The following ISL2 variants were observed in gnomAD, a reference collection of about 807,000 sequenced individuals.
ISL2 encodes ISL LIM homeobox 2.
In ISL2, 17 loss-of-function variants were observed where a neutral mutation model predicts 34.6. The ratio of observed to expected loss-of-function variants is 0.49; its 90% confidence interval spans 0.34 to 0.74. The LOEUF (loss-of-function observed/expected upper bound fraction) is 0.74. ISL2 is among the 30% of genes least tolerant of loss of function. ISL2 has a pLI of 0.01. For synonymous variants in ISL2, 232 were observed against 225.5 expected, an observed-to-expected ratio of 1.03 and a Z score of -0.26; for missense variants, 469 against 515.2, an observed-to-expected ratio of 0.91 and a Z score of 0.87.
Position 76,336,822 on chromosome 15 carries a change from G to C in ISL2, c.-62G>C. The C allele has an allele frequency of 2.7e-6, 4 of 1,466,510 alleles. No individual in the cohort carries two copies. In the South Asian group the frequency reaches 3.4e-5, roughly 12 times the overall value. 90.8% of individuals were successfully genotyped at this position (1,466,510 alleles called of 1,614,324 possible). On this transcript the variant is annotated 5_prime_UTR_variant, in exon 1 of 6. Transcript: ENST00000290759. ...AGTTAGTTAGCAAAGAGCCGAGGCC[G>C]GGCGCGCGACCCTCGTCCTTCTGCC...
In ISL2 at chr15:76,338,337, A is replaced by C. The variant is rs1184293980; in HGVS notation, c.334A>C (p.Ile112Leu). ...VMRARDSVYHIECFRCSVCSR... is the reference protein window; with the variant it reads ...VMRARDSVYHLECFRCSVCSR... ...GAGGGCGCGGGACAGCGTGTACCACATCGAGTGCTTCCGCTGCTCCGTGTG... is the reference window on the plus strand; with the variant it reads ...GAGGGCGCGGGACAGCGTGTACCACCTCGAGTGCTTCCGCTGCTCCGTGTG... Residue 112 changes from isoleucine (I) to leucine (L), a missense_variant, in exon 3 of 6, where the codon ATC becomes CTC. Physicochemically the swap from Ile to Leu is conservative, Grantham distance 5. Transcript: ENST00000290759. 8 of 1,575,878 alleles carry C rather than the reference A, an allele frequency of 5.1e-6. No individual in the cohort carries two copies. The highest frequency in any genetic ancestry group is 6.9e-6 in the Non-Finnish European group (8 of 1,167,332).
At chr15:76,340,790 G>A (rs1307193324) in intron 4 of ISL2, among the ~76,000 whole-genome samples, 2 of 152,260 alleles carry the variant, frequency 1.3e-5, no homozygotes, top group African/African-American at 4.8e-5. Flanking sequence ...TGCGGGTTCC[G>A]GGCGCTGCGC....
chr15:76,341,088 G>A (rs2040189282), intron 4 of ISL2, 46 bp from the exon 5 acceptor site: 6 of 1,502,958 alleles, frequency 4.0e-6, no homozygotes, highest in African/African-American at 2.8e-5. Flanking sequence ...TGGCAGAAAA[G>A]GCCAGACCTA....
Position 76,338,264 on chromosome 15 carries a change from C to G in ISL2, c.261C>G (p.Ile87Met). The G allele has an allele frequency of 1.3e-6, 2 of 1,570,316 alleles. No homozygotes were observed. Among genetic ancestry groups the G allele is most frequent in the South Asian group, 2.3e-5 (2 of 86,982 alleles). ...CTTGGGCCCGCAGGCTGTTCGGCATCAAGTGCGCCAAGTGCCAGGTGGGCT... is the reference window on the plus strand; with the variant it reads ...CTTGGGCCCGCAGGCTGTTCGGCATGAAGTGCGCCAAGTGCCAGGTGGGCT... The part of the protein sequence containing the change: ...CKRDYVRLFG[I>M]KCAKCQVGFS... Residue 87 changes from isoleucine (I) to methionine (M), a missense_variant, in exon 3 of 6, where the codon ATC becomes ATG. By Grantham distance (10) the Ile-to-Met change is conservative. Coordinates refer to ENST00000290759, the MANE Select transcript of ISL2 (RefSeq NM_145805.3).
intron 3 of ISL2, 151 bp downstream of exon 3, chr15:76,338,665 GC>G (rs2040171385): frequency 1.3e-5 from 16 of 1,227,830 alleles, no homozygotes; most frequent in Non-Finnish European, 1.5e-5. Flanking sequence ...GGAACTGTGT[GC>G]TGGGAACAAG....
intron 1 of ISL2, 117 bp from the exon 2 acceptor site, chr15:76,337,661 G>GC: frequency 4.6e-6 from 4 of 873,088 alleles, no homozygotes; most frequent in Non-Finnish European, 6.7e-6. Context: ...CCTTATGGTC[G>GC]CAAGTCTTGA....
At chr15:76,337,317 T>G (rs1045370173) in intron 1 of ISL2, 2 of 333,270 alleles carry the variant, frequency 6.0e-6, no homozygotes, top group East Asian at 1.2e-4. Flanking sequence ...ATATTTAAAC[T>G]AAGAAATGTC....
rs115363632 is a variant in ISL2, at chr15:76,341,286, C to G, written c.948C>G (p.Pro316=). ...EFALQSDLDQ[P]AFQQLVSFSE... ...CCCTCCAGAGCGACCTGGACCAACC[C>G]GCCTTCCAACAGCTGGTGAGGCCCT... Residue 316 remains proline (P), a synonymous_variant, in exon 5 of 6, where the codon CCC becomes CCG. Transcript: ENST00000290759. The G allele has an allele frequency of 4.4e-6, 7 of 1,602,248 alleles. No homozygotes were observed. Among genetic ancestry groups the G allele is most frequent in the Admixed American group, 1.7e-5 (1 of 58,802 alleles).
Position 76,337,914 on chromosome 15 carries a change from G to T in ISL2, c.195G>T (p.Thr65=), listed in dbSNP as rs151069345. The T allele has an allele frequency of 2.2e-4, 349 of 1,611,802 alleles. 1 individual carries two copies. Among genetic ancestry groups the T allele is most frequent in the Non-Finnish European group, 3.6e-5 (42 of 1,179,242 alleles). ...CAECSQYLDE[T]CTCFVRDGKT... ...AGTGCAGCCAGTACCTGGACGAGAC[G>T]TGCACGTGCTTCGTGAGAGACGGGA... The change falls in exon 2 of 6, where the codon ACG becomes ACT. Residue 65 remains threonine, a synonymous_variant. Transcript: ENST00000290759.
intron 3 of ISL2, chr15:76,338,966 A>G: frequency 1.0e-6 from 1 of 985,414 alleles, no homozygotes; most frequent in Non-Finnish European, 1.2e-6. Context: ...GTCAGCCAGG[A>G]GCCAAGAACC....
Position 76,338,377 on chromosome 15 carries a change from T to A in ISL2, c.374T>A (p.Leu125Gln). The A allele has an allele frequency of 6.5e-7, 1 of 1,548,926 alleles. No homozygotes were observed. Among genetic ancestry groups the A allele is most frequent in the Non-Finnish European group, 8.6e-7 (1 of 1,156,298 alleles). The change falls in exon 3 of 6, where the codon CTG (leucine) becomes CAG (glutamine). Residue 125 changes from leucine to glutamine, a missense_variant. By Grantham distance (113) the Leu-to-Gln change is moderately radical (BLOSUM62 -2). Transcript: ENST00000290759. ...FRCSVCSRQL[L>Q]PGDEFSLREH... ...TGCTCCGTGTGCAGCCGCCAGCTGCTGCCTGGGGACGAGTTCTCGCTGCGG... is the reference window on the plus strand; with the variant it reads ...TGCTCCGTGTGCAGCCGCCAGCTGCAGCCTGGGGACGAGTTCTCGCTGCGG...
At chr15:76,340,707 C>A in intron 4 of ISL2, 148 bp downstream of exon 4, 1 of 720,854 alleles carries the variant, frequency 1.4e-6, no homozygotes, top group Non-Finnish European at 2.3e-6. Context: ...CACAGCAAGG[C>A]TTCCCTTGGA....
chr15:76,337,388 G>C (rs1011746560), intron 1 of ISL2: 1 of 309,368 alleles, frequency 3.2e-6, no homozygotes, highest in African/African-American at 2.2e-5. Context: ...GGAGGCAGCC[G>C]CTGTGAGTGG....
intron 3 of ISL2, chr15:76,338,843 G>T (rs2040172349): frequency 8.1e-6 from 8 of 985,388 alleles, no homozygotes; most frequent in Non-Finnish European, 9.6e-6. Context: ...CCGTCTTGGG[G>T]CTTGTATTAG....
chr15:76,340,222 G>C, intron 3 of ISL2, 54 bp from the exon 4 acceptor site: 1 of 1,483,080 alleles, frequency 6.7e-7, no homozygotes, highest in East Asian at 2.4e-5. Flanking sequence ...GTTGGGCTCG[G>C]GGCGGGTGGG....
intron 5 of ISL2, 33 bp downstream of exon 5, chr15:76,341,334 G>A: frequency 6.4e-7 from 1 of 1,557,282 alleles, no homozygotes; most frequent in Non-Finnish European, 8.7e-7. Flanking sequence ...CCGACCTCGG[G>A]ACTCTGCGGG....
rs776677589 is a variant in ISL2, at chr15:76,341,780, C to A, written c.1025C>A (p.Ser342Tyr). The part of the protein sequence containing the change: ...NSSGSDVTSL[S>Y]SQLPDTPNSM... The stretch of plus-strand genomic sequence containing the variant: ...TCCGGCAGCGACGTGACCTCCCTGT[C>A]CTCGCAGCTCCCGGACACCCCCAAC... The change falls in exon 6 of 6, where the codon TCC becomes TAC. Residue 342 changes from serine to tyrosine, a missense_variant. Coordinates refer to ENST00000290759, the MANE Select transcript of ISL2 (RefSeq NM_145805.3). The A allele has an allele frequency of 1.9e-6, 3 of 1,613,872 alleles. No homozygotes were observed. Among genetic ancestry groups the A allele is most frequent in the South Asian group, 1.1e-5 (1 of 91,088 alleles).
At position 76,337,077 on chromosome 15, in the gene ISL2, AT is replaced by A. The variant is rs2040156083; in HGVS notation, c.58+137del. 44 of 753,882 alleles carry A rather than the reference AT, an allele frequency of 5.8e-5. No individual in the cohort carries two copies. In the South Asian group the frequency reaches 6.4e-4, roughly 11 times the overall value. 46.7% of individuals were successfully genotyped at this position (753,882 alleles called of 1,614,324 possible). On this transcript the variant is annotated intron_variant, in intron 1 of 5. Transcript: ENST00000290759. ...GAATAGTTTAGGAGAGGAAAAACGA[AT>A]GCATGTCTCCTGCAGGACTGCTTAT...
rs753082281 is a variant in ISL2 at position 76,341,705 on chromosome 15, T to C, written c.964-14T>C. ...CTCTTCACCTGCCTCTTCCCGGTGT[T>C]TCCGCCGCCCCAGGTCTCCTTCTCC... On this transcript the variant is annotated splice_polypyrimidine_tract_variant and intron_variant, in intron 5 of 5. Transcript: ENST00000290759. The C allele has an allele frequency of 6.3e-7, 1 of 1,593,186 alleles. No individual in the cohort carries two copies. The highest frequency in any genetic ancestry group is 1.3e-5 in the African/African-American group (1 of 74,458).
Sources: gnomAD v4.1 joint callset for allele counts (sites outside exome capture counted in the v4.1 genomes callset) on GRCh38, gnomAD v4.1.1 for gene constraint, MANE v1.5 for transcripts, NCBI Gene and HGNC (gene_info 2026-07-23, HGNC 2026-07-21) for gene names.